The following LRP1B variants were observed in gnomAD, a reference collection of about 807,000 sequenced individuals.
LRP1B encodes the protein low-density lipoprotein receptor-related protein 1B.
In LRP1B, 217 loss-of-function variants were observed where a neutral mutation model predicts 556.6. That is an observed-to-expected ratio of 0.39 (90% CI 0.35 to 0.44). LRP1B has a LOEUF of 0.44. LRP1B is among the 20% of genes least tolerant of loss of function. The probability of loss-of-function intolerance (pLI) is 1.00; values close to 1 mark genes in which losing one functional copy is unlikely to be tolerated. For missense variants in LRP1B, 5,053 were observed against 5,620.8 expected, an observed-to-expected ratio of 0.90 and a Z score of 3.23; for synonymous variants, 2,047 against 1,865.8, an observed-to-expected ratio of 1.10 and a Z score of -2.50.
intron 47 of LRP1B, among the ~76,000 whole-genome samples, chr2:140,531,364 C>A (rs1016205884): frequency 1.3e-5 from 2 of 152,092 alleles, no homozygotes; most frequent in Non-Finnish European, 2.9e-5. Context: ...TAATTTATTT[C>A]TCTCCGCTTA....
At chr2:140,950,476 G>A (rs2105300581) in intron 19 of LRP1B, 74 bp from the exon 20 acceptor site, 1 of 1,233,478 alleles carries the variant, frequency 8.1e-7, no homozygotes, top group Admixed American at 2.4e-5. Flanking sequence ...ATATCTAACT[G>A]GTTTCTGTTG....
At position 140,847,431 on chromosome 2, in the gene LRP1B, T is replaced by C. The variant is rs542277965; in HGVS notation, c.4939+2671A>G. On this transcript the variant is annotated intron_variant, in intron 29 of 90. Transcript: ENST00000389484. ...TACATCCCTCTCATTCTGTGCTCCA[T>C]ACCATTCAGTCTGTCTTGGCTCTCC... Among the ~76,000 whole-genome samples, 207 of 152,314 alleles carry C rather than the reference T, an allele frequency of 1.4e-3. 1 individual carries two copies. The highest frequency in any genetic ancestry group is 2.7e-3 in the Admixed American group (41 of 15,288).
intron 7 of LRP1B, among the ~76,000 whole-genome samples, chr2:141,094,256 CT>C (rs1700241221): frequency 6.6e-6 from 1 of 151,904 alleles, no homozygotes; most frequent in African/African-American, 2.4e-5. Context: ...TTTGTTTATT[CT>C]AAAAATCTAA....
chr2:141,692,359 G>A (rs573182735), intron 2 of LRP1B, among the ~76,000 whole-genome samples: 1 of 152,094 alleles, frequency 6.6e-6, no homozygotes, highest in Admixed American at 6.6e-5. Context: ...CTAAACTACT[G>A]TGAATTCCCT....
At position 141,058,798 on chromosome 2, in the gene LRP1B, C is replaced by T. The variant is rs189985686; in HGVS notation, c.1408+85G>A. 6.2e-3 allele frequency: 6,790 copies of T among 1,096,644 alleles called. 26 individuals are homozygous for T. The highest frequency in any genetic ancestry group is 7.8e-3 in the Admixed American group (236 of 30,186). 67.9% of individuals were successfully genotyped at this position (1,096,644 alleles called of 1,614,324 possible). On this transcript the variant is annotated intron_variant, in intron 9 of 90. Transcript: ENST00000389484. The stretch of plus-strand genomic sequence containing the variant: ...CAAAGCAGAGAATTTATGACTCACT[C>T]ACTTCAACACCATACAAAAGCACAA...
At chr2:141,008,730 GC>G (rs1216904665) in intron 14 of LRP1B, among the ~76,000 whole-genome samples, 1 of 151,782 alleles carries the variant, frequency 6.6e-6, no homozygotes, top group Non-Finnish European at 1.5e-5. Flanking sequence ...TGCAAATAGT[GC>G]CCAGCATAGA....
chr2:140,615,840 C>T (rs910711734), intron 41 of LRP1B, among the ~76,000 whole-genome samples: 6 of 151,990 alleles, frequency 3.9e-5, no homozygotes, highest in Admixed American at 1.3e-4. Flanking sequence ...TAGTATTTCC[C>T]CAACTATCTG....
intron 7 of LRP1B, among the ~76,000 whole-genome samples, chr2:141,063,318 A>G (rs1699391548): frequency 6.6e-6 from 1 of 151,864 alleles, no homozygotes; most frequent in Non-Finnish European, 1.5e-5. Flanking sequence ...GTATCTTTAA[A>G]GCTTAAACAC....
chr2:142,100,446 A>G (rs1706533146), intron 1 of LRP1B, among the ~76,000 whole-genome samples: 1 of 152,040 alleles, frequency 6.6e-6, no homozygotes, highest in African/African-American at 2.4e-5. Context: ...GCTGAGCCCC[A>G]GTGCTCCAGC....
intron 1 of LRP1B, among the ~76,000 whole-genome samples, chr2:142,021,791 A>T (rs966037657): frequency 6.6e-6 from 1 of 152,156 alleles, no homozygotes; most frequent in East Asian, 1.9e-4. Context: ...AAAAATTAAC[A>T]CAGCCTCATA....
At chr2:141,706,337 G>A (rs753002230) in intron 2 of LRP1B, among the ~76,000 whole-genome samples, 4 of 152,054 alleles carry the variant, frequency 2.6e-5, no homozygotes, top group Non-Finnish European at 5.9e-5. Context: ...CAGACAACGA[G>A]GCACAGAAGA....
chr2:140,757,796 G>A (rs1452343272), intron 35 of LRP1B, among the ~76,000 whole-genome samples: 4 of 152,282 alleles, frequency 2.6e-5, no homozygotes, highest in African/African-American at 9.6e-5. Flanking sequence ...CATGACAATC[G>A]CCTGAACCTG....
intron 53 of LRP1B, among the ~76,000 whole-genome samples, chr2:140,504,431 G>A (rs184058227): frequency 6.6e-6 from 1 of 151,816 alleles, no homozygotes. Flanking sequence ...CTAAAATATT[G>A]CCAGGAAAGC....
In LRP1B at chr2:140,321,418, AATT is replaced by A. The variant is rs559192123; in HGVS notation, c.12640+542_12640+544del. Among the ~76,000 whole-genome samples, 626 of 146,418 alleles carry A rather than the reference AATT, an allele frequency of 4.3e-3. 7 individuals are homozygous for A. The highest frequency in any genetic ancestry group is 0.015 in the African/African-American group (598 of 41,214). ...TATGCCTTCCTTCATCAGCCCTCAT[AATT>A]ATTATGATAATTATCATAATTATCA... On this transcript the variant is annotated intron_variant, in intron 82 of 90. Transcript: ENST00000389484.
In LRP1B at chr2:140,932,040, C is replaced by T. The variant is rs1350664640; in HGVS notation, c.3137-8893G>A. Among the ~76,000 whole-genome samples, 3 of 151,962 alleles carry T rather than the reference C, an allele frequency of 2.0e-5. No homozygotes were observed. The East Asian group carries it at 5.8e-4, about 29-fold the overall frequency. The stretch of plus-strand genomic sequence containing the variant: ...AAATATTTTCTAGGAAAAAACTGAA[C>T]AAAAGATATTATTTAATTTGAACTT... On this transcript the variant is annotated intron_variant, in intron 20 of 90. Coordinates refer to ENST00000389484, the MANE Select transcript of LRP1B (RefSeq NM_018557.3).
chr2:140,507,162 G>T (rs1689454456), intron 52 of LRP1B, among the ~76,000 whole-genome samples: 1 of 152,068 alleles, frequency 6.6e-6, no homozygotes, highest in Non-Finnish European at 1.5e-5. Context: ...CTATTCCAGA[G>T]TGACCCTGAA....
At chr2:141,970,342 G>GTAAACAATATAAAGGTAT (rs1701693395) in intron 1 of LRP1B, among the ~76,000 whole-genome samples, 1 of 151,594 alleles carries the variant, frequency 6.6e-6, no homozygotes, top group East Asian at 1.9e-4. Flanking sequence ...CAAGAATGTG[G>GTAAACAATATAAAGGTAT]TAAACAATAT....
rs114733603 is a variant in LRP1B at position 141,303,203 on chromosome 2, T to C, written c.344-48562A>G. ...TGGAGTATTGTGATATTTTGTTACA[T>C]GCATAGAATGGTTAATGATGAAGTC... is the stretch of plus-strand genomic sequence containing the variant. On this transcript the variant is annotated intron_variant, in intron 3 of 90. Coordinates refer to ENST00000389484, the MANE Select transcript of LRP1B (RefSeq NM_018557.3). Among the ~76,000 whole-genome samples, 694 of 152,278 alleles carry C rather than the reference T, an allele frequency of 4.6e-3. 4 individuals are homozygous for C. Among genetic ancestry groups the C allele is most frequent in the Non-Finnish European group, 8.5e-3 (575 of 67,964 alleles).
intron 66 of LRP1B, among the ~76,000 whole-genome samples, chr2:140,390,657 C>T (rs1478609921): frequency 6.6e-6 from 1 of 151,744 alleles, no homozygotes; most frequent in Non-Finnish European, 1.5e-5. Context: ...AGGGACATAT[C>T]ATTAAATAAA....
Sources: gnomAD v4.1 joint callset for allele counts (sites outside exome capture counted in the v4.1 genomes callset) on GRCh38, gnomAD v4.1.1 for gene constraint, MANE v1.5 for transcripts, NCBI Gene and HGNC (gene_info 2026-07-23, HGNC 2026-07-21) for gene names.